Variants in ARMH1 observed in about 807,000 individuals in gnomAD.
The protein encoded by ARMH1 is armadillo like helical domain containing 1.
A neutral mutation model predicts 50.2 loss-of-function variants in ARMH1; 34 were observed. That is an observed-to-expected ratio of 0.68 (90% CI 0.51 to 0.90). The LOEUF (loss-of-function observed/expected upper bound fraction) is 0.90, where lower values mean the gene tolerates loss of function less well. Ranked by LOEUF, ARMH1 falls within the 40% of genes least tolerant of loss-of-function variation. ARMH1 has a pLI of 0.00. For synonymous variants in ARMH1, 221 were observed against 224.2 expected (o/e 0.99, Z 0.13); for missense variants, 538 against 553.9 (o/e 0.97, Z 0.29).
At chr1:44,676,537 A>G (rs11581074) in intron 1 of ARMH1, among the ~76,000 whole-genome samples, 67,372 of 152,056 alleles carry the variant, frequency 0.44, 15,596 homozygotes, top group African/African-American at 0.57. Context: ...GAAGTGTCCA[A>G]AATGGTAAGA....
chr1:44,704,202 G>C, intron 6 of ARMH1, 29 bp downstream of exon 6: 1 of 1,491,972 alleles, frequency 6.7e-7, no homozygotes. Flanking sequence ...GCAGAAGGGG[G>C]CACCGAGAGC....
At chr1:44,690,579 A>G (rs909874890) in intron 2 of ARMH1, among the ~76,000 whole-genome samples, 3 of 152,124 alleles carry the variant, frequency 2.0e-5, no homozygotes, top group African/African-American at 7.2e-5. Flanking sequence ...GCATTTATAT[A>G]TGCTGAAATC....
Position 44,697,155 on chromosome 1 carries a change from T to C in ARMH1, c.260T>C (p.Leu87Ser). The change falls in exon 3 of 12, where the codon TTA becomes TCA. Residue 87 changes from leucine to serine, a missense_variant. Physicochemically the swap from Leu to Ser is moderately radical, Grantham distance 145. Transcript: ENST00000535358. Reference protein sequence around the residue: ...EKLLRSIGIFLSAVSSNRYLI... With the variant: ...EKLLRSIGIFSSAVSSNRYLI... ...CTTCTCAGGTCCATTGGCATCTTCTTATCAGCTGTAAGCAGGTGAGTTCTG... is the reference window on the plus strand; with the variant it reads ...CTTCTCAGGTCCATTGGCATCTTCTCATCAGCTGTAAGCAGGTGAGTTCTG... 3 of 1,552,012 alleles carry C rather than the reference T, an allele frequency of 1.9e-6. No homozygotes were observed. Among genetic ancestry groups the C allele is most frequent in the Non-Finnish European group, 2.6e-6 (3 of 1,146,832 alleles).
intron 11 of ARMH1, 22 bp downstream of exon 11, chr1:44,725,239 C>T (rs1173407381): frequency 3.2e-6 from 5 of 1,551,680 alleles, no homozygotes; most frequent in Non-Finnish European, 4.4e-6. Context: ...ACGAGGGAAG[C>T]CGGGCGCAGG....
intron 6 of ARMH1, among the ~76,000 whole-genome samples, chr1:44,708,872 T>C (rs1459790176): frequency 1.3e-5 from 2 of 152,096 alleles, no homozygotes; most frequent in African/African-American, 4.8e-5. Flanking sequence ...GCACATTCCC[T>C]CAAAGACTTC....
intron 6 of ARMH1, among the ~76,000 whole-genome samples, chr1:44,709,488 C>A (rs371103492): frequency 6.6e-6 from 1 of 152,194 alleles, no homozygotes; most frequent in Non-Finnish European, 1.5e-5. Flanking sequence ...CTGGCTAACA[C>A]GGTGAAACCC....
Position 44,724,845 on chromosome 1 carries a change from T to C in ARMH1, c.1128+6T>C, listed in dbSNP as rs1648039087. On this transcript the variant is annotated splice_donor_region_variant and intron_variant, in intron 10 of 11. Transcript: ENST00000535358. This position sits in a 1 kb window ranked among gnomAD's most constrained non-coding sequence, Gnocchi z 6.4. ...AACTCTACCAGCTCTTCCTGGTAAG[T>C]GCGCCCTTCCTGCCCCGCCGCAATG... The C allele has an allele frequency of 6.5e-7, 1 of 1,532,314 alleles. No individual in the cohort carries two copies. The highest frequency in any genetic ancestry group is 8.8e-7 in the Non-Finnish European group (1 of 1,142,616). 94.9% of individuals were successfully genotyped at this position (1,532,314 alleles called of 1,614,324 possible). A position where few individuals can be genotyped will look rare whatever the true frequency, so the allele number is the denominator to read the frequency against.
intron 6 of ARMH1, among the ~76,000 whole-genome samples, chr1:44,708,557 T>A (rs548708015): frequency 6.6e-6 from 1 of 152,214 alleles, no homozygotes; most frequent in Admixed American, 6.5e-5. Context: ...CCATGTGGCA[T>A]GTGTGTGGGG....
chr1:44,725,490 A>AAGTGGAGTGG lies in ARMH1; in HGVS notation c.*87_*88insAGTGGAGTGG. ...GGCGCCTGGGGTCAAGCTCAGAGCC[A>AAGTGGAGTGG]CTCCACTTGGCTCCAGGGGGGAGAC... On this transcript the variant is annotated 3_prime_UTR_variant, in exon 12 of 12. Transcript: ENST00000535358. 1 of 1,341,802 alleles carries AAGTGGAGTGG rather than the reference A, an allele frequency of 7.5e-7. No individual in the cohort carries two copies. Among genetic ancestry groups the AAGTGGAGTGG allele is most frequent in the Non-Finnish European group, 1.0e-6 (1 of 962,320 alleles). The allele number at this position is 1,341,802 out of a possible 1,614,324, so 83.1% of individuals were successfully genotyped here.
intron 6 of ARMH1, among the ~76,000 whole-genome samples, chr1:44,707,301 G>T (rs1646387952): frequency 6.6e-6 from 1 of 152,150 alleles, no homozygotes; most frequent in African/African-American, 2.4e-5. Flanking sequence ...CTGCATTAGT[G>T]ATTACTCACC....
At chr1:44,722,241 C>T (rs1647376329) in intron 6 of ARMH1, among the ~76,000 whole-genome samples, 1 of 152,070 alleles carries the variant, frequency 6.6e-6, no homozygotes, top group Non-Finnish European at 1.5e-5. Context: ...TCCTGTCTTC[C>T]ATGTAGCCAC....
At chr1:44,700,304 C>T (rs1362995057) in intron 4 of ARMH1, among the ~76,000 whole-genome samples, 1 of 152,170 alleles carries the variant, frequency 6.6e-6, no homozygotes, top group Non-Finnish European at 1.5e-5. Flanking sequence ...AACCATTTTG[C>T]AAACTGCTGA....
At chr1:44,698,813 CAAA>C (rs201693065) in intron 4 of ARMH1, among the ~76,000 whole-genome samples, 5 of 124,916 alleles carry the variant, frequency 4.0e-5, no homozygotes, top group African/African-American at 6.4e-5. Context: ...AACTCCATCT[CAAA>C]AAAAAAAAAA....
chr1:44,680,994 C>CT (rs1230245043), intron 1 of ARMH1, among the ~76,000 whole-genome samples: 3 of 148,522 alleles, frequency 2.0e-5, no homozygotes, highest in African/African-American at 7.8e-5. Flanking sequence ...CCTTCCGATC[C>CT]CCTTTTTTTT....
chr1:44,698,505 A>C (rs1645904140), intron 4 of ARMH1, among the ~76,000 whole-genome samples: 1 of 152,182 alleles, frequency 6.6e-6, no homozygotes, highest in Non-Finnish European at 1.5e-5. Context: ...GTGGCCCAAT[A>C]TCTTTTGTGA....
At chr1:44,712,776 G>A (rs1452301880) in intron 6 of ARMH1, among the ~76,000 whole-genome samples, 1 of 150,448 alleles carries the variant, frequency 6.6e-6, no homozygotes, top group Admixed American at 6.6e-5. Context: ...CGATTCTCCT[G>A]CCTCAGCCTC....
Position 44,698,077 on chromosome 1 carries a change from T to C in ARMH1, c.290T>C (p.Ile97Thr), listed in dbSNP as rs1396608603. 2.6e-6 allele frequency: 4 copies of C among 1,550,386 alleles called. No individual in the cohort carries two copies. Among genetic ancestry groups the C allele is most frequent in the Admixed American group, 2.0e-5 (1 of 50,900 alleles). Residue 97 changes from isoleucine (I) to threonine (T), a missense_variant, in exon 4 of 12, where the codon ATA becomes ACA. Ile to Thr is a moderately conservative substitution (Grantham distance 89). Coordinates refer to ENST00000535358, the MANE Select transcript of ARMH1 (RefSeq NM_001145636.2). ...CCTCTGGACAGTAATCGGTACCTTATAGAATTTCTTGAGGTTGGAGGTGTC... is the reference window on the plus strand; with the variant it reads ...CCTCTGGACAGTAATCGGTACCTTACAGAATTTCTTGAGGTTGGAGGTGTC... ...LSAVSSNRYL[I>T]EFLEVGGVLT...
intron 6 of ARMH1, chr1:44,721,795 T>C (rs539606787): frequency 3.7e-4 from 56 of 151,744 alleles, no homozygotes; most frequent in Middle Eastern, 6.8e-3. Context: ...CAGCCTTGCC[T>C]AGGCAAGACT....
chr1:44,714,446 G>A (rs1269137516), intron 6 of ARMH1, among the ~76,000 whole-genome samples: 6 of 151,962 alleles, frequency 3.9e-5, no homozygotes, highest in South Asian at 2.1e-4. Context: ...TTAGCCGGGC[G>A]TGGTGGTGCA....
Sources: gnomAD v4.1 joint callset for allele counts (sites outside exome capture counted in the v4.1 genomes callset) on GRCh38, gnomAD v4.1.1 for gene constraint, Gnocchi (gnomAD v3.1) non-coding constraint, MANE v1.5 for transcripts, NCBI Gene and HGNC (gene_info 2026-07-23, HGNC 2026-07-21) for gene names.